PCDHGC3: variants seen among roughly 807,000 people sequenced by gnomAD.
PCDHGC3 encodes protocadherin gamma-C3.
PCDHGC3 carries 26 observed loss-of-function variants against 59.2 expected under a neutral mutation model. The observed-to-expected ratio is 0.44, with a 90% confidence interval of 0.32 to 0.61. PCDHGC3 has a LOEUF of 0.61. Ranked by LOEUF, PCDHGC3 falls within the 20% of genes least tolerant of loss-of-function variation. PCDHGC3 has a pLI of 0.05. For synonymous variants in PCDHGC3, 487 were observed against 519.7 expected, an observed-to-expected ratio of 0.94 and a Z score of 0.86; for missense variants, 1,080 against 1,221.8, an observed-to-expected ratio of 0.88 and a Z score of 1.73.
chr5:141,476,726 C>T lies in PCDHGC3; in HGVS notation c.610C>T (p.Arg204Ter). Residue 204 changes from arginine (R) to a stop codon, truncating the protein, a stop_gained, in exon 1 of 4, where the codon CGA becomes TGA. Coordinates refer to ENST00000308177, the MANE Select transcript of PCDHGC3 (RefSeq NM_002588.4). LOFTEE classifies it high-confidence loss of function. This position sits in a 1 kb window ranked among gnomAD's most constrained non-coding sequence, Gnocchi z 7.6. ...GCTGGTGTTGGAGCGCGCCCTGGAC[C>T]GAGAACGGGAGCCTAGTCTCCAGTT... ...AELVLERALD[R>*]EREPSLQLVL... The T allele has an allele frequency of 6.2e-7, 1 of 1,614,116 alleles. No homozygotes were observed. The highest frequency in any genetic ancestry group is 8.5e-7 in the Non-Finnish European group (1 of 1,180,028).
At chr5:141,483,487 A>G (rs777951096) in intron 1 of PCDHGC3, among the ~76,000 whole-genome samples, 4 of 152,006 alleles carry the variant, frequency 2.6e-5, no homozygotes, top group Non-Finnish European at 5.9e-5. Context: ...AGTGAGGGAC[A>G]GGGATGAGTC....
intron 3 of PCDHGC3, among the ~76,000 whole-genome samples, chr5:141,509,504 C>T (rs534951697): frequency 4.7e-4 from 72 of 152,246 alleles, no homozygotes; most frequent in Non-Finnish European, 8.4e-4. Flanking sequence ...CTGGATGTGA[C>T]GGTGTTGATG....
In PCDHGC3 at chr5:141,476,839, G is replaced by T; in HGVS notation, c.723G>T (p.Ala241=). The T allele has an allele frequency of 1.9e-6, 3 of 1,613,610 alleles. No individual in the cohort carries two copies. Among genetic ancestry groups the T allele is most frequent in the East Asian group, 2.2e-5 (1 of 44,862 alleles). ...HIKVLDANDN[A]PVFNQSLYRA... is the part of the protein sequence containing the mutation. ...AGGTGCTGGACGCGAATGACAATGC[G>T]CCTGTCTTCAACCAGTCCTTGTACC... Residue 241 remains alanine (A), a synonymous_variant, in exon 1 of 4, where the codon GCG becomes GCT. Coordinates refer to ENST00000308177, the MANE Select transcript of PCDHGC3 (RefSeq NM_002588.4). This position sits in a 1 kb window ranked among gnomAD's most constrained non-coding sequence, Gnocchi z 7.6.
In PCDHGC3 at chr5:141,476,978, C is replaced by G; in HGVS notation, c.862C>G (p.Arg288Gly). 1.2e-6 allele frequency: 2 copies of G among 1,614,256 alleles called. No individual in the cohort carries two copies. Among genetic ancestry groups the G allele is most frequent in the Non-Finnish European group, 1.7e-6 (2 of 1,180,058 alleles). ...EIIYSFGSHN[R>G]AGVRQLFALD... Reference sequence around the variant, plus strand: ...TATTTACTCCTTCGGCAGCCACAACCGCGCCGGCGTGCGGCAACTATTCGC... The same window carrying G: ...TATTTACTCCTTCGGCAGCCACAACGGCGCCGGCGTGCGGCAACTATTCGC... Residue 288 changes from arginine to glycine, a missense_variant, in exon 1 of 4, where the codon CGC becomes GGC. Arg to Gly is a moderately radical substitution (Grantham distance 125). Transcript: ENST00000308177. This position sits in a 1 kb window ranked among gnomAD's most constrained non-coding sequence, Gnocchi z 7.6.
intron 1 of PCDHGC3, among the ~76,000 whole-genome samples, chr5:141,480,796 C>G (rs1007525949): frequency 2.6e-5 from 4 of 152,074 alleles, no homozygotes; most frequent in African/African-American, 7.2e-5. Flanking sequence ...ATTTGAAAAC[C>G]ACAGCTTTGG....
At position 141,487,760 on chromosome 5, in the gene PCDHGC3, G is replaced by T; in HGVS notation, c.2431-7047G>T. On this transcript the variant is annotated intron_variant, in intron 1 of 3. Transcript: ENST00000308177. The surrounding 1 kb of genome is among the most constrained non-coding windows in gnomAD (Gnocchi z 5.0). Reference sequence around the variant, plus strand: ...TGTAAGAGGTAACTATGTGGTAGACGCTGTGCTTTGTAACTGTTTCGTGAA... The same window carrying T: ...TGTAAGAGGTAACTATGTGGTAGACTCTGTGCTTTGTAACTGTTTCGTGAA... 1 of 1,545,950 alleles carries T rather than the reference G, an allele frequency of 6.5e-7. No individual in the cohort carries two copies. The highest frequency in any genetic ancestry group is 1.4e-5 in the African/African-American group (1 of 73,162).
rs1485520054 is a variant in PCDHGC3 at position 141,511,210 on chromosome 5, C to T, written c.*37C>T. 6.2e-7 allele frequency: 1 copy of T among 1,609,328 alleles called. No individual in the cohort carries two copies. The highest frequency in any genetic ancestry group is 1.3e-5 in the African/African-American group (1 of 74,896). ...GGCCAAGAGCCACAGGGCGGCCTCT[C>T]CCCAACCAGCCCAGCTTCTCCTTAC... On this transcript the variant is annotated 3_prime_UTR_variant, in exon 4 of 4. Transcript: ENST00000308177.
Position 141,476,279 on chromosome 5 carries a change from G to T in PCDHGC3, c.163G>T (p.Gly55Cys). The T allele has an allele frequency of 6.2e-7, 1 of 1,614,148 alleles. No individual in the cohort carries two copies. Among genetic ancestry groups the T allele is most frequent in the Non-Finnish European group, 8.5e-7 (1 of 1,180,024 alleles). The change falls in exon 1 of 4, where the codon GGT becomes TGT. Residue 55 changes from glycine to cysteine, a missense_variant. By Grantham distance (159) the Gly-to-Cys change is radical. Coordinates refer to ENST00000308177, the MANE Select transcript of PCDHGC3 (RefSeq NM_002588.4). This position sits in a 1 kb window ranked among gnomAD's most constrained non-coding sequence, Gnocchi z 7.6. ...TGTGGGCAACGTGGTCGCGAACCTT[G>T]GTTTGGATCTCGGTAGCCTCTCAGC... ...FAVGNVVANL[G>C]LDLGSLSARR...
chr5:141,506,109 A>G (rs1027886504), intron 3 of PCDHGC3, among the ~76,000 whole-genome samples: 5 of 152,126 alleles, frequency 3.3e-5, no homozygotes, highest in Middle Eastern at 3.2e-3. Flanking sequence ...GTCCCTGAAG[A>G]GTCACTAGGG....
In PCDHGC3 at chr5:141,476,853, A is replaced by G; in HGVS notation, c.737A>G (p.Gln246Arg). ...AATGACAATGCGCCTGTCTTCAACCAGTCCTTGTACCGGGCGCGCGTCCTG... is the reference window on the plus strand; with the variant it reads ...AATGACAATGCGCCTGTCTTCAACCGGTCCTTGTACCGGGCGCGCGTCCTG... ...DANDNAPVFNQSLYRARVLED... is the reference protein window; with the variant it reads ...DANDNAPVFNRSLYRARVLED... Residue 246 changes from glutamine to arginine, a missense_variant, in exon 1 of 4, where the codon CAG becomes CGG. Gln to Arg is a conservative substitution (Grantham distance 43, BLOSUM62 1). Coordinates refer to ENST00000308177, the MANE Select transcript of PCDHGC3 (RefSeq NM_002588.4). This position sits in a 1 kb window ranked among gnomAD's most constrained non-coding sequence, Gnocchi z 7.6. The G allele has an allele frequency of 6.2e-7, 1 of 1,613,870 alleles. No individual in the cohort carries two copies. Among genetic ancestry groups the G allele is most frequent in the Non-Finnish European group, 8.5e-7 (1 of 1,180,042 alleles).
At chr5:141,507,797 C>A (rs933921827) in intron 3 of PCDHGC3, among the ~76,000 whole-genome samples, 1 of 152,240 alleles carries the variant, frequency 6.6e-6, no homozygotes, top group Admixed American at 6.5e-5. Context: ...TCTAAGCCTG[C>A]GCCCTGGGGA....
intron 2 of PCDHGC3, among the ~76,000 whole-genome samples, chr5:141,504,869 C>T (rs919109041): frequency 6.6e-6 from 1 of 152,134 alleles, no homozygotes; most frequent in Admixed American, 6.5e-5. Flanking sequence ...CCCACCTTCA[C>T]AGTCCTCTGG....
Position 141,491,000 on chromosome 5 carries a change from C to T in PCDHGC3, c.2431-3807C>T. 6.2e-7 allele frequency: 1 copy of T among 1,614,142 alleles called. No homozygotes were observed. The highest frequency in any genetic ancestry group is 1.1e-5 in the South Asian group (1 of 91,086). On this transcript the variant is annotated intron_variant, in intron 1 of 3. Transcript: ENST00000308177. The surrounding 1 kb of genome is among the most constrained non-coding windows in gnomAD (Gnocchi z 5.4). ...CTCCCTCGCTCTGCTCCTCCTGGCTCCTTGGTCACCAAGGTGACAGCCGTG... is the reference window on the plus strand; with the variant it reads ...CTCCCTCGCTCTGCTCCTCCTGGCTTCTTGGTCACCAAGGTGACAGCCGTG...
intron 1 of PCDHGC3, chr5:141,492,069 C>A (rs1595083522): frequency 2.1e-6 from 1 of 475,880 alleles, no homozygotes; most frequent in East Asian, 3.3e-5. Context: ...GCCTCCTAGG[C>A]GCCGGCTCCG....
Position 141,485,943 on chromosome 5 carries a change from C to CG in PCDHGC3, c.2430+7400dup, listed in dbSNP as rs1562109052. ...ATTAGTGTGTTGGAGAGCGCACCAG[C>CG]GGGCATGGTGCTCATCCAGCTCAAT... On this transcript the variant is annotated intron_variant, in intron 1 of 3. Coordinates refer to ENST00000308177, the MANE Select transcript of PCDHGC3 (RefSeq NM_002588.4). The surrounding 1 kb of genome is among the most constrained non-coding windows in gnomAD (Gnocchi z 5.7). The CG allele has an allele frequency of 1.2e-6, 2 of 1,614,126 alleles. No individual in the cohort carries two copies. Among genetic ancestry groups the CG allele is most frequent in the Non-Finnish European group, 1.7e-6 (2 of 1,180,012 alleles).
rs1433429634 is a variant in PCDHGC3 at position 141,486,311 on chromosome 5, G to T, written c.2430+7765G>T. 1.2e-6 allele frequency: 2 copies of T among 1,613,956 alleles called. No homozygotes were observed. Among genetic ancestry groups the T allele is most frequent in the African/African-American group, 2.7e-5 (2 of 74,892 alleles). On this transcript the variant is annotated intron_variant, in intron 1 of 3. Transcript: ENST00000308177. The surrounding 1 kb of genome is among the most constrained non-coding windows in gnomAD (Gnocchi z 5.0). The stretch of plus-strand genomic sequence containing the variant: ...TATCAGTGTGCAGGATCCAGACTCA[G>T]GGTCAAACGGAGATGTGAGCCTCCG...
rs1457099502 is a variant in PCDHGC3 at position 141,477,430 on chromosome 5, A to G, written c.1314A>G (p.Ser438=). The G allele has an allele frequency of 1.2e-6, 2 of 1,614,162 alleles. No individual in the cohort carries two copies. The highest frequency in any genetic ancestry group is 1.7e-6 in the Non-Finnish European group (2 of 1,180,020). Reference sequence around the variant, plus strand: ...GAGACGCCGGAACCCCTTCCCTCTCAGCCCTTACAATAGTGCGTGTTCAAG... The same window carrying G: ...GAGACGCCGGAACCCCTTCCCTCTCGGCCCTTACAATAGTGCGTGTTCAAG... ...TARDAGTPSL[S]ALTIVRVQVS... is the part of the protein sequence containing the mutation. The change falls in exon 1 of 4, where the codon TCA becomes TCG. Residue 438 remains serine, a synonymous_variant. Transcript: ENST00000308177. This position sits in a 1 kb window ranked among gnomAD's most constrained non-coding sequence, Gnocchi z 4.9.
rs766638463 is a variant in PCDHGC3 at position 141,476,525 on chromosome 5, A to G, written c.409A>G (p.Thr137Ala). ...CAACGACAACAATCCTGCTTTCCCT[A>G]CCCAGGAAATGAAATTGGAGATTAG... ...DINDNNPAFP[T>A]QEMKLEISEA... The change falls in exon 1 of 4, where the codon ACC becomes GCC. Residue 137 changes from threonine (T) to alanine (A), a missense_variant. Transcript: ENST00000308177. This position sits in a 1 kb window ranked among gnomAD's most constrained non-coding sequence, Gnocchi z 7.6. 6 of 1,613,950 alleles carry G rather than the reference A, an allele frequency of 3.7e-6. No homozygotes were observed. The African/African-American group carries it at 6.7e-5, about 18-fold the overall frequency.
chr5:141,485,221 C>G lies in PCDHGC3; in HGVS notation c.2430+6675C>G. ...GGACAGAAATCTGGCGGTGGGCTACCCTTTTGTTCCTCTTTTACCACCTGG... is the reference window on the plus strand; with the variant it reads ...GGACAGAAATCTGGCGGTGGGCTACGCTTTTGTTCCTCTTTTACCACCTGG... On this transcript the variant is annotated intron_variant, in intron 1 of 3. Transcript: ENST00000308177. The surrounding 1 kb of genome is among the most constrained non-coding windows in gnomAD (Gnocchi z 5.7). The G allele has an allele frequency of 6.2e-7, 1 of 1,614,118 alleles. No individual in the cohort carries two copies. Among genetic ancestry groups the G allele is most frequent in the Non-Finnish European group, 8.5e-7 (1 of 1,180,010 alleles).
Sources: gnomAD v4.1 joint callset for allele counts (sites outside exome capture counted in the v4.1 genomes callset) on GRCh38, gnomAD v4.1.1 for gene constraint, Gnocchi (gnomAD v3.1) non-coding constraint, MANE v1.5 for transcripts, NCBI Gene and HGNC (gene_info 2026-07-23, HGNC 2026-07-21) for gene names.